HS6ST1: variants seen among roughly 807,000 people sequenced by gnomAD.
The protein encoded by HS6ST1 is heparan-sulfate 6-O-sulfotransferase 1.
In HS6ST1, 3 loss-of-function variants were observed where a neutral mutation model predicts 25.2. The observed-to-expected ratio is 0.12, with a 90% CI of 0.05 to 0.31. The LOEUF is 0.31. Among genes scored for constraint, HS6ST1 ranks in the 10% least tolerant of loss-of-function variants. The probability of loss-of-function intolerance (pLI) is 1.00; values close to 1 mark genes in which losing one functional copy is unlikely to be tolerated. For synonymous variants in HS6ST1, 204 were observed against 275.1 expected (o/e 0.74, Z 2.56); for missense variants, 310 against 609.6 (o/e 0.51, Z 5.18).
chr2:128,304,308 G>A (rs1381721649), intron 1 of HS6ST1, among the ~76,000 whole-genome samples: 1 of 152,148 alleles, frequency 6.6e-6, no homozygotes, highest in Non-Finnish European at 1.5e-5. Context: ...AGCCATGCTC[G>A]TCCTCTTGAA....
At chr2:128,306,743 T>A (rs1316889889) in intron 1 of HS6ST1, among the ~76,000 whole-genome samples, 2 of 151,916 alleles carry the variant, frequency 1.3e-5, no homozygotes, top group African/African-American at 4.8e-5. Flanking sequence ...ATGAGGGGGC[T>A]ACCACCCCCA....
chr2:128,293,306 G>C (rs1160593983), intron 1 of HS6ST1, among the ~76,000 whole-genome samples: 5 of 152,248 alleles, frequency 3.3e-5, no homozygotes, highest in Non-Finnish European at 5.9e-5. Flanking sequence ...CCAAGGGCCA[G>C]CCTGGGCCTG....
chr2:128,298,902 G>C (rs1194520293), intron 1 of HS6ST1, among the ~76,000 whole-genome samples: 1 of 152,220 alleles, frequency 6.6e-6, no homozygotes, highest in Non-Finnish European at 1.5e-5. Flanking sequence ...TCTCAGGAGG[G>C]AAAGCAGCAC....
chr2:128,268,633 G>A lies in HS6ST1; in HGVS notation c.765C>T (p.Ala255=), dbSNP rs369582414. ...TGTAGCAGCCCACCAGGCTCAGGTCGGCCAGCATGCGCACCTGGCGGTTGT... is the reference window on the plus strand; with the variant it reads ...TGTAGCAGCCCACCAGGCTCAGGTCAGCCAGCATGCGCACCTGGCGGTTGT... ...LANNRQVRML[A]DLSLVGCYNL... Residue 255 remains alanine (A), a synonymous_variant, in exon 2 of 2, where the codon GCC becomes GCT. Transcript: ENST00000259241. 1.8e-4 allele frequency: 289 copies of A among 1,608,878 alleles called. 1 individual carries two copies. The highest frequency in any genetic ancestry group is 5.6e-4 in the African/African-American group (42 of 74,908).
intron 1 of HS6ST1, chr2:128,289,796 G>A (rs1023191907): frequency 1.3e-5 from 2 of 152,190 alleles, no homozygotes; most frequent in Non-Finnish European, 2.9e-5. Context: ...AGACCTACCT[G>A]CTTTCACCAA....
chr2:128,297,768 A>C (rs1053971510), intron 1 of HS6ST1, among the ~76,000 whole-genome samples: 1 of 152,250 alleles, frequency 6.6e-6, no homozygotes, highest in Admixed American at 6.5e-5. Flanking sequence ...TGGGAAGCAG[A>C]GGTTGCGGTG....
intron 1 of HS6ST1, among the ~76,000 whole-genome samples, chr2:128,270,915 C>T (rs760258895): frequency 4.4e-4 from 67 of 152,248 alleles, no homozygotes; most frequent in Admixed American, 2.3e-3. Context: ...GTGCACAGTG[C>T]AGCAGGCCCC....
chr2:128,291,331 T>C (rs1255366509), intron 1 of HS6ST1, among the ~76,000 whole-genome samples: 4 of 152,234 alleles, frequency 2.6e-5, no homozygotes, highest in African/African-American at 9.6e-5. Flanking sequence ...TTGCCCTGGG[T>C]CCAGAGCACC....
At chr2:128,280,581 T>A (rs963084264) in intron 1 of HS6ST1, among the ~76,000 whole-genome samples, 3 of 152,104 alleles carry the variant, frequency 2.0e-5, no homozygotes, top group African/African-American at 7.2e-5. Context: ...AAAACCCAGA[T>A]CATCAAGTTC....
intron 1 of HS6ST1, among the ~76,000 whole-genome samples, chr2:128,301,286 T>C (rs1694121770): frequency 6.6e-6 from 1 of 151,916 alleles, no homozygotes; most frequent in African/African-American, 2.4e-5. Context: ...TACCCCTCTG[T>C]GTTGGGCAGA....
intron 1 of HS6ST1, among the ~76,000 whole-genome samples, chr2:128,312,725 G>C (rs1173564713): frequency 1.3e-5 from 2 of 152,100 alleles, no homozygotes; most frequent in Non-Finnish European, 2.9e-5. Context: ...AAAACCATAA[G>C]ATTAGCACTT....
At chr2:128,309,668 G>A (rs975183892) in intron 1 of HS6ST1, among the ~76,000 whole-genome samples, 1 of 152,242 alleles carries the variant, frequency 6.6e-6, no homozygotes, top group African/African-American at 2.4e-5. Context: ...CCCTCCTGTT[G>A]GGCCTTTTAA....
intron 1 of HS6ST1, among the ~76,000 whole-genome samples, chr2:128,295,293 T>G (rs1694026204): frequency 6.6e-6 from 1 of 152,136 alleles, no homozygotes; most frequent in Admixed American, 6.5e-5. Context: ...GGGCAGGGGG[T>G]ACCACTCCTC....
At chr2:128,317,817 AGAGT>A (rs1158371679) in intron 1 of HS6ST1, among the ~76,000 whole-genome samples, 1 of 152,126 alleles carries the variant, frequency 6.6e-6, no homozygotes, top group Admixed American at 6.5e-5. Context: ...GGCAAGGAAG[AGAGT>A]GAGAGCGAGG....
chr2:128,298,944 G>A (rs1530719), intron 1 of HS6ST1, among the ~76,000 whole-genome samples: 42,703 of 152,180 alleles, frequency 0.28, 7,110 homozygotes, highest in East Asian at 0.77. Flanking sequence ...GGGCCCACCA[G>A]TGGGGCTGGC....
intron 1 of HS6ST1, among the ~76,000 whole-genome samples, chr2:128,301,874 C>T (rs752273808): frequency 2.6e-5 from 4 of 152,196 alleles, no homozygotes; most frequent in Non-Finnish European, 4.4e-5. Flanking sequence ...GCAGGCATCA[C>T]GGCTGCCAGA....
intron 1 of HS6ST1, among the ~76,000 whole-genome samples, chr2:128,277,255 T>C (rs2104914825): frequency 6.6e-6 from 1 of 152,314 alleles, no homozygotes; most frequent in African/African-American, 2.4e-5. Flanking sequence ...GGCAAACCTC[T>C]GGCCTCTTCT....
chr2:128,268,944 A>G (rs929688218), intron 1 of HS6ST1, 74 bp from the exon 2 acceptor site: 1 of 1,285,590 alleles, frequency 7.8e-7, no homozygotes, highest in Admixed American at 1.8e-5. Context: ...GCTCTGAGTC[A>G]AAGTCCCCAC....
chr2:128,290,769 C>G (rs1479809550), intron 1 of HS6ST1, among the ~76,000 whole-genome samples: 1 of 126,484 alleles, frequency 7.9e-6, no homozygotes, highest in Non-Finnish European at 1.6e-5. Context: ...GTCAGGAGTT[C>G]AAGACCAGCC....
Sources: allele counts gnomAD v4.1 joint callset (sites outside exome capture counted in the v4.1 genomes callset), GRCh38; gene constraint gnomAD v4.1.1; transcripts MANE v1.5; gene names NCBI Gene and HGNC (gene_info 2026-07-23, HGNC 2026-07-21).